Variants in ALK observed in about 807,000 individuals in gnomAD.
The protein encoded by ALK is ALK tyrosine kinase receptor.
Under a neutral mutation model 163.1 loss-of-function variants are expected in ALK, and 74 were observed. The observed-to-expected ratio is 0.45, with a 90% CI of 0.38 to 0.55. The LOEUF (loss-of-function observed/expected upper bound fraction) is 0.55, where lower values mean the gene tolerates loss of function less well. ALK is among the 20% of genes least tolerant of loss of function. The pLI is 0.00. For synonymous variants in ALK, 960 were observed against 843.2 expected, an observed-to-expected ratio of 1.14 and a Z score of -2.40; for missense variants, 2,063 against 2,105.3, an observed-to-expected ratio of 0.98 and a Z score of 0.39.
intron 1 of ALK, among the ~76,000 whole-genome samples, chr2:29,840,762 G>A (rs1665676439): frequency 6.6e-6 from 1 of 152,132 alleles, no homozygotes; most frequent in Admixed American, 6.5e-5. Flanking sequence ...CATTTACATG[G>A]CACATTGTAG....
At chr2:29,696,637 G>A (rs994609785) in intron 2 of ALK, among the ~76,000 whole-genome samples, 5 of 151,536 alleles carry the variant, frequency 3.3e-5, no homozygotes, top group African/African-American at 9.7e-5. Context: ...CAGAACCAGT[G>A]GCCCCTGTCA....
chr2:29,537,012 T>A (rs562378460), intron 3 of ALK, among the ~76,000 whole-genome samples: 1 of 152,268 alleles, frequency 6.6e-6, no homozygotes, highest in East Asian at 1.9e-4. Context: ...TGATCAGATA[T>A]GGGAGCAAAG....
chr2:29,792,356 T>C (rs1664209359), intron 1 of ALK, among the ~76,000 whole-genome samples: 1 of 152,002 alleles, frequency 6.6e-6, no homozygotes, highest in African/African-American at 2.4e-5. Flanking sequence ...AAATGGGACA[T>C]CTCAGTTTCA....
chr2:29,554,322 A>G (rs1021401648), intron 3 of ALK, among the ~76,000 whole-genome samples: 1 of 152,232 alleles, frequency 6.6e-6, no homozygotes, highest in African/African-American at 2.4e-5. Flanking sequence ...CTTAGCTATT[A>G]GAGCTAGAGA....
chr2:29,823,453 T>C (rs1369904172), intron 1 of ALK, among the ~76,000 whole-genome samples: 2 of 152,150 alleles, frequency 1.3e-5, no homozygotes, highest in African/African-American at 4.8e-5. Context: ...CAGGAAAATG[T>C]GGGAAACTTT....
intron 5 of ALK, among the ~76,000 whole-genome samples, chr2:29,351,121 TCAC>T (rs1222187318): frequency 1.3e-5 from 2 of 152,248 alleles, no homozygotes; most frequent in African/African-American, 4.8e-5. Flanking sequence ...GGACACGTTT[TCAC>T]CACAACAGTG....
intron 4 of ALK, among the ~76,000 whole-genome samples, chr2:29,492,663 C>T (rs1331057450): frequency 1.3e-5 from 2 of 152,188 alleles, no homozygotes; most frequent in South Asian, 2.1e-4. Flanking sequence ...GAGGAACTTC[C>T]TCCTGCTGTT....
intron 5 of ALK, among the ~76,000 whole-genome samples, chr2:29,341,878 AT>A (rs1667803232): frequency 6.6e-6 from 1 of 152,176 alleles, no homozygotes; most frequent in African/African-American, 2.4e-5. Context: ...ACCTCTTTGT[AT>A]TTTTTAGTTT....
intron 4 of ALK, among the ~76,000 whole-genome samples, chr2:29,413,945 G>A (rs1490335700): frequency 2.6e-5 from 4 of 152,286 alleles, no homozygotes; most frequent in East Asian, 1.9e-4. Context: ...GATTACAGGC[G>A]TGAGCCATCG....
chr2:29,634,060 G>A (rs1177807355), intron 3 of ALK, among the ~76,000 whole-genome samples: 3 of 151,986 alleles, frequency 2.0e-5, no homozygotes, highest in Non-Finnish European at 4.4e-5. Flanking sequence ...TTTAGAGAAA[G>A]AGTCTCACTA....
At chr2:29,728,735 C>A (rs925380130) in intron 1 of ALK, among the ~76,000 whole-genome samples, 17 of 152,174 alleles carry the variant, frequency 1.1e-4, no homozygotes. Flanking sequence ...TCAAGTCTCT[C>A]AGAACGGAGC....
intron 1 of ALK, among the ~76,000 whole-genome samples, chr2:29,751,885 A>G (rs1156396633): frequency 6.6e-6 from 1 of 152,224 alleles, no homozygotes; most frequent in African/African-American, 2.4e-5. Flanking sequence ...CCCTAGAGAT[A>G]CTGGTTAAGG....
intron 1 of ALK, among the ~76,000 whole-genome samples, chr2:29,762,254 T>A (rs1429952084): frequency 6.6e-6 from 1 of 152,210 alleles, no homozygotes; most frequent in East Asian, 1.9e-4. Context: ...TAAACCAAAG[T>A]TATTATTATC....
chr2:29,368,977 G>A lies in ALK; in HGVS notation c.1282+14755C>T, dbSNP rs549873130. On this transcript the variant is annotated intron_variant, in intron 5 of 28. Transcript: ENST00000389048. The stretch of plus-strand genomic sequence containing the variant: ...ATAAACAAACATACATCAAAAAACC[G>A]CCAGCACTCGCCATGAATTTAAGGC... Among the ~76,000 whole-genome samples, 75 of 152,226 alleles carry A rather than the reference G, an allele frequency of 4.9e-4. No individual in the cohort carries two copies. The South Asian group carries it at 6.0e-3, about 12-fold the overall frequency.
chr2:29,465,286 T>G (rs1671182767), intron 4 of ALK, among the ~76,000 whole-genome samples: 1 of 152,162 alleles, frequency 6.6e-6, no homozygotes, highest in Non-Finnish European at 1.5e-5. Context: ...CTTTAAAGTG[T>G]TAAAAGAAAA....
intron 5 of ALK, among the ~76,000 whole-genome samples, chr2:29,371,902 G>C (rs1668646978): frequency 6.6e-6 from 1 of 152,172 alleles, no homozygotes. Context: ...TGTCCCCTCT[G>C]ATGTGTCCCA....
At position 29,920,075 on chromosome 2, in the gene ALK, C is replaced by T. The variant is rs2148442931; in HGVS notation, c.585G>A (p.Ala195=). 6.2e-7 allele frequency: 1 copy of T among 1,614,214 alleles called. No individual in the cohort carries two copies. The highest frequency in any genetic ancestry group is 8.5e-7 in the Non-Finnish European group (1 of 1,180,050). ...LRIRLMPEKK[A]SEVGREGRLS... ...GCCTTCCCTCTCTGCCCACTTCCGACGCCTTCTTCTCGGGCATCAGGCGGA... is the reference window on the plus strand; with the variant it reads ...GCCTTCCCTCTCTGCCCACTTCCGATGCCTTCTTCTCGGGCATCAGGCGGA... The change falls in exon 1 of 29, where the codon GCG becomes GCA. Residue 195 remains alanine (A), a synonymous_variant. Transcript: ENST00000389048.
intron 3 of ALK, among the ~76,000 whole-genome samples, chr2:29,586,581 G>A (rs1674894714): frequency 6.6e-6 from 1 of 152,054 alleles, no homozygotes; most frequent in East Asian, 1.9e-4. Flanking sequence ...ATTAATATTG[G>A]TTATCTCCAA....
At chr2:29,460,346 A>T (rs995043024) in intron 4 of ALK, among the ~76,000 whole-genome samples, 1 of 152,178 alleles carries the variant, frequency 6.6e-6, no homozygotes, top group Non-Finnish European at 1.5e-5. Context: ...TGTTCTAAGC[A>T]CATTTGTTAC....
Sources: gnomAD v4.1 joint callset for allele counts (sites outside exome capture counted in the v4.1 genomes callset) on GRCh38, gnomAD v4.1.1 for gene constraint, MANE v1.5 for transcripts, NCBI Gene and HGNC (gene_info 2026-07-23, HGNC 2026-07-21) for gene names.